PLCG1: variants seen among roughly 807,000 people sequenced by gnomAD.
The protein encoded by PLCG1 is 1-phosphatidylinositol 4,5-bisphosphate phosphodiesterase gamma-1.
A neutral mutation model predicts 177.8 loss-of-function variants in PLCG1; 71 were observed. The observed-to-expected ratio is 0.40, with a 90% confidence interval of 0.33 to 0.49. PLCG1 has a LOEUF of 0.49. PLCG1 is among the 20% of genes least tolerant of loss of function. The probability of loss-of-function intolerance (pLI) is 0.72; values close to 1 mark genes in which losing one functional copy is unlikely to be tolerated. For synonymous variants in PLCG1, 658 were observed against 647.9 expected (o/e 1.02, Z -0.24); for missense variants, 1,281 against 1,709.0 (o/e 0.75, Z 4.42).
chr20:41,164,838 CCAGGCCCT>C lies in PLCG1; in HGVS notation c.1218-94_1218-87del. Reference sequence around the variant, plus strand: ...GATAGTTTTTACAGACAAGAAGCCCCCAGGCCCTTGGCTTCCAACAGCTCACTGTGAGG... The same window carrying C: ...GATAGTTTTTACAGACAAGAAGCCCCTGGCTTCCAACAGCTCACTGTGAGG... On this transcript the variant is annotated intron_variant, in intron 12 of 31. Coordinates refer to ENST00000685551, the MANE Select transcript of PLCG1 (RefSeq NM_002660.3). The surrounding 1 kb of genome is among the most constrained non-coding windows in gnomAD (Gnocchi z 6.4). The C allele has an allele frequency of 7.9e-7, 1 of 1,260,950 alleles. No individual in the cohort carries two copies. Among genetic ancestry groups the C allele is most frequent in the Non-Finnish European group, 1.1e-6 (1 of 895,114 alleles). The allele number at this position is 1,260,950 out of a possible 1,614,324, so 78.1% of individuals were successfully genotyped here.
rs981473464 is a variant in PLCG1 at position 41,172,046 on chromosome 20, G to T, written c.2809-147G>T. 4.6e-5 allele frequency: 32 copies of T among 698,172 alleles called. No homozygotes were observed. The African/African-American group carries it at 5.1e-4, about 11-fold the overall frequency. 43.2% of individuals were successfully genotyped at this position (698,172 alleles called of 1,614,324 possible). On this transcript the variant is annotated intron_variant, in intron 24 of 31. Transcript: ENST00000685551. The surrounding 1 kb of genome is among the most constrained non-coding windows in gnomAD (Gnocchi z 7.0). ...TGAGGACAGAGCTCCCTCATTTACT[G>T]TTGGGTGTGGTGTCTGGAAGGTACA...
chr20:41,174,803 A>G lies in PLCG1; in HGVS notation c.*294A>G, dbSNP rs1172152809. 2.3e-6 allele frequency: 1 copy of G among 437,892 alleles called. No homozygotes were observed. The highest frequency in any genetic ancestry group is 2.0e-5 in the African/African-American group (1 of 49,770). The allele number at this position is 437,892 out of a possible 1,614,324, so 27.1% of individuals were successfully genotyped here. ...GATCCTTCCATCTTGTGGGGCCAGG[A>G]CCATGGCCGAAGCCCCTTGGAGAGA... On this transcript the variant is annotated 3_prime_UTR_variant, in exon 32 of 32. Transcript: ENST00000685551. This position sits in a 1 kb window ranked among gnomAD's most constrained non-coding sequence, Gnocchi z 5.8.
At chr20:41,138,006 G>A (rs368127826) in intron 1 of PLCG1, 148 bp downstream of exon 1, 2 of 474,950 alleles carry the variant, frequency 4.2e-6, no homozygotes, top group Non-Finnish European at 6.7e-6. Context: ...CCCCCGCTTC[G>A]TCTCGGGTGG....
At chr20:41,141,361 C>T (rs1472220754) in intron 1 of PLCG1, among the ~76,000 whole-genome samples, 1 of 152,236 alleles carries the variant, frequency 6.6e-6, no homozygotes, top group Non-Finnish European at 1.5e-5. Context: ...CAATTGTGAG[C>T]AGTACCTTTG....
At chr20:41,145,549 A>C (rs2034970737) in intron 1 of PLCG1, among the ~76,000 whole-genome samples, 1 of 152,164 alleles carries the variant, frequency 6.6e-6, no homozygotes, top group Non-Finnish European at 1.5e-5. Flanking sequence ...TTGTGGCCAC[A>C]GTATCCTCCT....
rs1311213279 is a variant in PLCG1, at chr20:41,153,727, C to G, written c.218-5879C>G. ...GCTGGCCAACATGGTGAAACCCCGT[C>G]TCTACTAAAAATACAAAAATCAGCT... On this transcript the variant is annotated intron_variant, in intron 1 of 31. Transcript: ENST00000685551. The surrounding 1 kb of genome is among the most constrained non-coding windows in gnomAD (Gnocchi z 5.1). Among the ~76,000 whole-genome samples, 1 of 152,128 alleles carries G rather than the reference C, an allele frequency of 6.6e-6. No individual in the cohort carries two copies. Among genetic ancestry groups the G allele is most frequent in the Admixed American group, 6.5e-5 (1 of 15,278 alleles).
rs752260219 is a variant in PLCG1, at chr20:41,174,498, A to G, written c.3865A>G (p.Asn1289Asp). Residue 1289 changes from asparagine (N) to aspartate (D), a missense_variant, in exon 32 of 32, where the codon AAC becomes GAC. By Grantham distance (23) the Asn-to-Asp change is conservative (BLOSUM62 1). Around this residue, in one of 4 missense-constraint regions of PLCG1, gnomAD observed 153 missense variants for 153.2 expected, o/e 1.00. Transcript: ENST00000685551. This position sits in a 1 kb window ranked among gnomAD's most constrained non-coding sequence, Gnocchi z 5.8. The stretch of plus-strand genomic sequence containing the variant: ...AAGAAGGACTCGGGTCAATGGAGAC[A>G]ACCGCCTCTAGTTGTACCCCAGCCT... ...APRRTRVNGD[N>D]RL The G allele has an allele frequency of 7.0e-6, 11 of 1,582,320 alleles. No homozygotes were observed. In the East Asian group the frequency reaches 2.5e-4, roughly 36 times the overall value.
In PLCG1 at chr20:41,163,028, G is replaced by A. The variant is rs767424147; in HGVS notation, c.716+36G>A. The A allele has an allele frequency of 1.1e-5, 17 of 1,608,280 alleles. 1 individual carries two copies. The South Asian group carries it at 1.6e-4, about 16-fold the overall frequency. Reference sequence around the variant, plus strand: ...GAGTGGGGAGGTGGGGTTTTCCCTGGGCCCCCTTCATCTCTCCACTGGGCG... The same window carrying A: ...GAGTGGGGAGGTGGGGTTTTCCCTGAGCCCCCTTCATCTCTCCACTGGGCG... On this transcript the variant is annotated intron_variant, in intron 7 of 31. Transcript: ENST00000685551. The surrounding 1 kb of genome is among the most constrained non-coding windows in gnomAD (Gnocchi z 5.2).
chr20:41,163,366 C>G lies in PLCG1; in HGVS notation c.790-12C>G, dbSNP rs753133127. ...AGGCTTCTCTCATCCCCTGCCCTCC[C>G]TACCCCATCAGGAGCTGTGGGCTGT... is the stretch of plus-strand genomic sequence containing the variant. On this transcript the variant is annotated splice_polypyrimidine_tract_variant and intron_variant, in intron 8 of 31. Transcript: ENST00000685551. The surrounding 1 kb of genome is among the most constrained non-coding windows in gnomAD (Gnocchi z 5.2). 6.2e-6 allele frequency: 10 copies of G among 1,608,808 alleles called. No homozygotes were observed. In the Admixed American group the frequency reaches 1.0e-4, roughly 16 times the overall value.
At chr20:41,162,770 C>G in intron 6 of PLCG1, 45 bp downstream of exon 6, 1 of 1,493,648 alleles carries the variant, frequency 6.7e-7, no homozygotes, top group Non-Finnish European at 9.3e-7. Flanking sequence ...CCCTGCTCTT[C>G]CACCCCACAC....
Position 41,172,047 on chromosome 20 carries a change from T to C in PLCG1, c.2809-146T>C. 1.4e-6 allele frequency: 1 copy of C among 698,020 alleles called. No individual in the cohort carries two copies. Among genetic ancestry groups the C allele is most frequent in the Non-Finnish European group, 2.6e-6 (1 of 384,496 alleles). The allele number at this position is 698,020 out of a possible 1,614,324, so 43.2% of individuals were successfully genotyped here. On this transcript the variant is annotated intron_variant, in intron 24 of 31. Coordinates refer to ENST00000685551, the MANE Select transcript of PLCG1 (RefSeq NM_002660.3). This position sits in a 1 kb window ranked among gnomAD's most constrained non-coding sequence, Gnocchi z 7.0. ...GAGGACAGAGCTCCCTCATTTACTG[T>C]TGGGTGTGGTGTCTGGAAGGTACAG... is the stretch of plus-strand genomic sequence containing the variant.
rs183983938 is a variant in PLCG1, at chr20:41,143,726, T to G, written c.217+5868T>G. On this transcript the variant is annotated intron_variant, in intron 1 of 31. Coordinates refer to ENST00000685551, the MANE Select transcript of PLCG1 (RefSeq NM_002660.3). ...AGATTTGGGTTCAGGTCTCAGCTCT[T>G]ACTGTGACCTTGGGCAGATTACTTT... Among the ~76,000 whole-genome samples the G allele has an allele frequency of 1.1e-3, 164 of 152,366 alleles. No homozygotes were observed. In the Middle Eastern group the frequency reaches 0.02, roughly 19 times the overall value.
chr20:41,140,052 T>A (rs1487224364), intron 1 of PLCG1, among the ~76,000 whole-genome samples: 2 of 152,038 alleles, frequency 1.3e-5, no homozygotes, highest in African/African-American at 4.8e-5. Context: ...CTCATGTATT[T>A]GGGGGATGGA....
rs6072290 is a variant in PLCG1 at position 41,165,412 on chromosome 20, G to A, written c.1510-38G>A. 6.2e-7 allele frequency: 1 copy of A among 1,613,774 alleles called. No homozygotes were observed. The highest frequency in any genetic ancestry group is 8.5e-7 in the Non-Finnish European group (1 of 1,179,750). The stretch of plus-strand genomic sequence containing the variant: ...GGGGGTGGTAGGCCAGTGGGTGTGA[G>A]GACCCTGGCTCACAAGTCCCTCTTT... On this transcript the variant is annotated intron_variant, in intron 14 of 31. Coordinates refer to ENST00000685551, the MANE Select transcript of PLCG1 (RefSeq NM_002660.3). The surrounding 1 kb of genome is among the most constrained non-coding windows in gnomAD (Gnocchi z 6.6).
At chr20:41,138,330 A>G (rs1333184449) in intron 1 of PLCG1, among the ~76,000 whole-genome samples, 1 of 152,100 alleles carries the variant, frequency 6.6e-6, no homozygotes, top group African/African-American at 2.4e-5. Flanking sequence ...TTGCAAAGGA[A>G]TCTTTGGGTT....
Position 41,148,264 on chromosome 20 carries a change from G to A in PLCG1, c.217+10406G>A, listed in dbSNP as rs548562865. On this transcript the variant is annotated intron_variant, in intron 1 of 31. Transcript: ENST00000685551. This position sits in a 1 kb window ranked among gnomAD's most constrained non-coding sequence, Gnocchi z 4.3. The stretch of plus-strand genomic sequence containing the variant: ...AGAGGCAGGAACCAAGGTTGGGGTG[G>A]TGAGATGTCATGGGGTTCAGGGAGT... Among the ~76,000 whole-genome samples the A allele has an allele frequency of 6.6e-6, 1 of 152,352 alleles. No individual in the cohort carries two copies. Among genetic ancestry groups the A allele is most frequent in the South Asian group, 2.1e-4 (1 of 4,828 alleles).
chr20:41,154,739 G>A (rs1355606559), intron 1 of PLCG1, among the ~76,000 whole-genome samples: 1 of 152,172 alleles, frequency 6.6e-6, no homozygotes, highest in Non-Finnish European at 1.5e-5. Flanking sequence ...CAGACTGGCT[G>A]CCCGCCATAT....
intron 5 of PLCG1, 46 bp from the exon 6 acceptor site, chr20:41,162,596 T>C (rs758291134): frequency 2.5e-6 from 4 of 1,608,570 alleles, no homozygotes; most frequent in Non-Finnish European, 3.4e-6. Flanking sequence ...GCCCTTCAGC[T>C]GGGGGCCTGA....
In PLCG1 at chr20:41,174,025, G is replaced by A. The variant is rs1468875926; in HGVS notation, c.3645+14G>A. On this transcript the variant is annotated intron_variant, in intron 30 of 31. Transcript: ENST00000685551. This position sits in a 1 kb window ranked among gnomAD's most constrained non-coding sequence, Gnocchi z 5.8. ...TTCCCTGCCAAGGTATCTGCAGCAG[G>A]GGTGGGCTGGCCTGGGGTAGGTGGG... The A allele has an allele frequency of 4.3e-6, 7 of 1,612,910 alleles. No homozygotes were observed. The highest frequency in any genetic ancestry group is 5.9e-6 in the Non-Finnish European group (7 of 1,179,056).
Sources: allele counts gnomAD v4.1 joint callset (sites outside exome capture counted in the v4.1 genomes callset), GRCh38; gene constraint gnomAD v4.1.1; regional missense constraint gnomAD v4.1.1; non-coding constraint Gnocchi (gnomAD v3.1); transcripts MANE v1.5; gene names NCBI Gene and HGNC (gene_info 2026-07-23, HGNC 2026-07-21).